Variants in CELF4 observed in about 807,000 individuals in gnomAD.
CELF4 encodes CUGBP Elav-like family member 4.
CELF4 carries 18 observed loss-of-function variants against 59.9 expected under a neutral mutation model. The ratio of observed to expected loss-of-function variants is 0.30; its 90% CI spans 0.21 to 0.45. CELF4 has a LOEUF of 0.45. Among genes scored for constraint, CELF4 ranks in the 20% least tolerant of loss-of-function variants. The pLI is 1.00. For missense variants in CELF4, 456 were observed against 689.0 expected (o/e 0.66, Z 3.79); for synonymous variants, 261 against 267.1 (o/e 0.98, Z 0.22).
chr18:37,545,658 G>A (rs2099981003), intron 1 of CELF4, among the ~76,000 whole-genome samples: 1 of 152,154 alleles, frequency 6.6e-6, no homozygotes, highest in Non-Finnish European at 1.5e-5. Context: ...AGCACCATCT[G>A]CTCAAGCCTG....
chr18:37,449,928 G>T (rs951549892), intron 2 of CELF4, among the ~76,000 whole-genome samples: 1 of 152,196 alleles, frequency 6.6e-6, no homozygotes, highest in Admixed American at 6.5e-5. Flanking sequence ...CACCCAGGAC[G>T]CCATGAGCCC....
intron 2 of CELF4, among the ~76,000 whole-genome samples, chr18:37,415,546 T>A (rs2099520542): frequency 6.6e-6 from 1 of 152,346 alleles, no homozygotes; most frequent in African/African-American, 2.4e-5. Flanking sequence ...CCCCCAATGA[T>A]GGGAGAAAGT....
intron 1 of CELF4, among the ~76,000 whole-genome samples, chr18:37,532,385 C>G (rs748452366): frequency 7.2e-5 from 11 of 152,172 alleles, no homozygotes; most frequent in Admixed American, 2.0e-4. Context: ...GCATCTCAGT[C>G]ACCTTTGTAA....
intron 1 of CELF4, among the ~76,000 whole-genome samples, chr18:37,506,070 C>T (rs2099937578): frequency 6.6e-6 from 1 of 150,508 alleles, no homozygotes; most frequent in East Asian, 2.0e-4. Flanking sequence ...CCCCTCCCCT[C>T]CCACCCCCAA....
At chr18:37,504,361 G>A (rs561591838) in intron 1 of CELF4, among the ~76,000 whole-genome samples, 6 of 151,304 alleles carry the variant, frequency 4.0e-5, no homozygotes, top group South Asian at 4.2e-4. Context: ...ATGGTGGTAC[G>A]TGCCTGTAAT....
chr18:37,470,785 G>A (rs1455956049), intron 2 of CELF4, among the ~76,000 whole-genome samples: 8 of 150,432 alleles, frequency 5.3e-5, no homozygotes, highest in African/African-American at 2.0e-4. Flanking sequence ...AAATCACCCA[G>A]GGAGCATTTG....
rs560944743 is a variant in CELF4, at chr18:37,476,846, G to A, written c.369+8679C>T. 1.8e-4 allele frequency among the ~76,000 whole-genome samples: 28 copies of A among 151,668 alleles called. No homozygotes were observed. The East Asian group carries it at 5.1e-3, about 27-fold the overall frequency. On this transcript the variant is annotated intron_variant, in intron 2 of 12. Coordinates refer to ENST00000420428, the MANE Select transcript of CELF4 (RefSeq NM_020180.4). ...GCAGCCTCACATTCTCGCTCCGGTG[G>A]ACACACACCTCGCTCCACACATGCC... is the stretch of plus-strand genomic sequence containing the variant.
At chr18:37,442,314 G>A (rs1234699816) in intron 2 of CELF4, among the ~76,000 whole-genome samples, 1 of 152,134 alleles carries the variant, frequency 6.6e-6, no homozygotes, top group Non-Finnish European at 1.5e-5. Context: ...AAAGATGGAA[G>A]TTGAGAATCC....
At chr18:37,331,189 C>A (rs1449479663) in intron 2 of CELF4, among the ~76,000 whole-genome samples, 1 of 152,192 alleles carries the variant, frequency 6.6e-6, no homozygotes, top group Non-Finnish European at 1.5e-5. Context: ...CCCCCAACGC[C>A]CTGTCCCTTG....
intron 1 of CELF4, among the ~76,000 whole-genome samples, chr18:37,564,120 C>G (rs1263812491): frequency 6.6e-6 from 1 of 152,166 alleles, no homozygotes; most frequent in Non-Finnish European, 1.5e-5. Context: ...TTCGGCGGCT[C>G]TCCACACTAC....
At chr18:37,311,955 C>G (rs1179531795) in intron 3 of CELF4, among the ~76,000 whole-genome samples, 1 of 150,744 alleles carries the variant, frequency 6.6e-6, no homozygotes, top group African/African-American at 2.4e-5. Context: ...ACTAAAAATA[C>G]AAAAAATTAG....
intron 2 of CELF4, among the ~76,000 whole-genome samples, chr18:37,383,660 C>T (rs540850415): frequency 9.8e-5 from 15 of 152,314 alleles, no homozygotes; most frequent in South Asian, 2.1e-4. Context: ...TTTCCAAGCA[C>T]GTCCACATCT....
At chr18:37,400,880 G>C (rs903364041) in intron 2 of CELF4, among the ~76,000 whole-genome samples, 1 of 152,266 alleles carries the variant, frequency 6.6e-6, no homozygotes, top group African/African-American at 2.4e-5. Context: ...TTATTGATTA[G>C]AGGCTCATGA....
At chr18:37,273,988 T>G (rs2092450745) in intron 6 of CELF4, 1 of 1,179,016 alleles carries the variant, frequency 8.5e-7, no homozygotes, top group African/African-American at 1.6e-5. Context: ...CCCTCTCATC[T>G]GTGCTTCCTG....
chr18:37,446,279 A>G (rs1017530525), intron 2 of CELF4, among the ~76,000 whole-genome samples: 2 of 152,174 alleles, frequency 1.3e-5, no homozygotes, highest in African/African-American at 4.8e-5. Context: ...TTTGGAGATC[A>G]AGGACCTTGT....
chr18:37,362,384 G>A (rs536425852), intron 2 of CELF4, among the ~76,000 whole-genome samples: 3 of 152,340 alleles, frequency 2.0e-5, no homozygotes, highest in African/African-American at 7.2e-5. Context: ...CCAAGCCTGG[G>A]AGGCAGCCCC....
intron 2 of CELF4, among the ~76,000 whole-genome samples, chr18:37,482,247 T>C (rs1358380319): frequency 6.6e-6 from 1 of 152,092 alleles, no homozygotes; most frequent in East Asian, 1.9e-4. Context: ...AACTGCCCCA[T>C]GTTGACTGTC....
intron 2 of CELF4, among the ~76,000 whole-genome samples, chr18:37,454,726 AC>A (rs1202605374): frequency 6.6e-6 from 1 of 152,164 alleles, no homozygotes; most frequent in African/African-American, 2.4e-5. Flanking sequence ...TGTTTAATTA[AC>A]TATCTCCACT....
intron 2 of CELF4, among the ~76,000 whole-genome samples, chr18:37,395,961 C>T (rs1284907136): frequency 6.6e-6 from 1 of 152,230 alleles, no homozygotes; most frequent in South Asian, 2.1e-4. Flanking sequence ...GCTCGGCTCC[C>T]TTCATGGACC....
Sources: allele counts gnomAD v4.1 joint callset (sites outside exome capture counted in the v4.1 genomes callset), GRCh38; gene constraint gnomAD v4.1.1; transcripts MANE v1.5; gene names NCBI Gene and HGNC (gene_info 2026-07-23, HGNC 2026-07-21).